The following DCDC1 variants were observed in gnomAD, a reference collection of about 807,000 sequenced individuals.
DCDC1 encodes doublecortin domain containing 1.
DCDC1 carries 200 observed loss-of-function variants against 178.3 expected under a neutral mutation model. That is an observed-to-expected ratio of 1.12 (90% CI 1.00 to 1.26). DCDC1 has a LOEUF of 1.26. Among genes scored for constraint, DCDC1 ranks in the 50% most tolerant of loss-of-function variants. The pLI is 0.00. For synonymous variants in DCDC1, 690 were observed against 604.8 expected, an observed-to-expected ratio of 1.14 and a Z score of -2.07; for missense variants, 1,983 against 1,749.2, an observed-to-expected ratio of 1.13 and a Z score of -2.38.
At chr11:30,873,091 G>A (rs200163973) in intron 38 of DCDC1, among the ~76,000 whole-genome samples, 1 of 148,872 alleles carries the variant, frequency 6.7e-6, no homozygotes, top group South Asian at 2.1e-4. Flanking sequence ...CTCTCTCTCT[G>A]TCTCTCTCTG....
chr11:31,328,680 A>G (rs1158384331), intron 2 of DCDC1, among the ~76,000 whole-genome samples: 1 of 151,796 alleles, frequency 6.6e-6, no homozygotes. Context: ...TGGTGGTGGC[A>G]GGTGCCTGTA....
intron 20 of DCDC1, among the ~76,000 whole-genome samples, chr11:30,969,230 T>C (rs1365305087): frequency 6.6e-6 from 1 of 152,204 alleles, no homozygotes; most frequent in Non-Finnish European, 1.5e-5. Context: ...GATTTTGAAA[T>C]AGGTAGATTT....
intron 32 of DCDC1, 46 bp downstream of exon 32, chr11:30,903,436 A>G: frequency 6.9e-7 from 1 of 1,448,498 alleles, no homozygotes. Context: ...CGTTTTCATG[A>G]TCAAGCATAA....
At chr11:30,888,114 G>GAAAGAAAGAAAGAA (rs1565029985) in intron 36 of DCDC1, among the ~76,000 whole-genome samples, 11 of 125,266 alleles carry the variant, frequency 8.8e-5, no homozygotes, top group South Asian at 7.7e-4. Context: ...AAGAAAGAAA[G>GAAAGAAAGAAAGAA]AAAGAAAGAA....
intron 17 of DCDC1, among the ~76,000 whole-genome samples, chr11:31,081,616 AAAAAG>A (rs557989935): frequency 3.9e-5 from 6 of 152,156 alleles, no homozygotes; most frequent in Admixed American, 6.5e-5. Context: ...ATCTCAAAAA[AAAAAG>A]AAAAGAAAAG....
At chr11:31,171,342 GA>G (rs71060479) in intron 9 of DCDC1, among the ~76,000 whole-genome samples, 105,702 of 150,664 alleles carry the variant, frequency 0.7, 37,979 homozygotes, top group East Asian at 0.96. Flanking sequence ...TAAACAACAT[GA>G]AAAAAAAAAA....
chr11:31,112,373 A>C (rs1179048268), intron 11 of DCDC1, among the ~76,000 whole-genome samples: 1 of 152,172 alleles, frequency 6.6e-6, no homozygotes, highest in African/African-American at 2.4e-5. Context: ...TTCTAAAGAG[A>C]GAGTTTCTAT....
rs1281111465 is a variant in DCDC1 at position 31,133,544 on chromosome 11, T to A, written c.1314+4148A>T. 3.3e-5 allele frequency among the ~76,000 whole-genome samples: 5 copies of A among 152,318 alleles called. No individual in the cohort carries two copies. The East Asian group carries it at 7.7e-4, about 23-fold the overall frequency. ...AGAAGGAAACAGAACCCTAATTTGT[T>A]GAATGAAGATTGGAAAAAACATGGG... On this transcript the variant is annotated intron_variant, in intron 10 of 38. Transcript: ENST00000684477.
chr11:31,203,894 G>C (rs1320733329), intron 9 of DCDC1, among the ~76,000 whole-genome samples: 2 of 152,108 alleles, frequency 1.3e-5, no homozygotes, highest in Admixed American at 1.3e-4. Flanking sequence ...ATGTATGTCA[G>C]AAAACTTGTA....
intron 1 of DCDC1, among the ~76,000 whole-genome samples, chr11:31,362,196 T>C (rs1204765027): frequency 6.6e-6 from 1 of 152,190 alleles, no homozygotes; most frequent in East Asian, 1.9e-4. Context: ...ACAGGTACAC[T>C]GTACTATGGA....
At position 31,204,301 on chromosome 11, in the gene DCDC1, A is replaced by G. The variant is rs1462557996; in HGVS notation, c.1221+37149T>C. Among the ~76,000 whole-genome samples, 15 of 152,336 alleles carry G rather than the reference A, an allele frequency of 9.8e-5. No individual in the cohort carries two copies. In the South Asian group the frequency reaches 2.9e-3, roughly 29 times the overall value. On this transcript the variant is annotated intron_variant, in intron 9 of 38. Transcript: ENST00000684477. Reference sequence around the variant, plus strand: ...CTAAAATAATTAATTTAAGTATTCAATTCAAGAGGGTAGAAAAAGTACAAC... The same window carrying G: ...CTAAAATAATTAATTTAAGTATTCAGTTCAAGAGGGTAGAAAAAGTACAAC...
intron 6 of DCDC1, among the ~76,000 whole-genome samples, chr11:31,298,272 A>G (rs1034286425): frequency 6.6e-6 from 1 of 152,142 alleles, no homozygotes; most frequent in African/African-American, 2.4e-5. Context: ...TGCCAAAGAA[A>G]GGGCCCTTGT....
intron 8 of DCDC1, among the ~76,000 whole-genome samples, chr11:31,245,199 CTT>C (rs1037464841): frequency 6.8e-6 from 1 of 146,786 alleles, no homozygotes; most frequent in African/African-American, 2.5e-5. Flanking sequence ...TTCTCTCTCT[CTT>C]TTTTTTTTTC....
At position 31,106,819 on chromosome 11, in the gene DCDC1, C is replaced by A. The variant is rs773544052; in HGVS notation, c.1729G>T (p.Val577Phe). ...LSLKNEQKIW[V>F]SYGRAYRSPL... ...TACCTGTATGCTCTACCATAAGAGA[C>A]CCAAATTTTTTGCTCATTCTTCAGC... The change falls in exon 13 of 39, where the codon GTC becomes TTC. Residue 577 changes from valine to phenylalanine, a missense_variant. By Grantham distance (50) the Val-to-Phe change is conservative. Transcript: ENST00000684477. The A allele has an allele frequency of 3.9e-6, 3 of 766,184 alleles. No individual in the cohort carries two copies. Among genetic ancestry groups the A allele is most frequent in the Non-Finnish European group, 7.2e-6 (3 of 417,792 alleles). The allele number at this position is 766,184 out of a possible 1,614,324, so 47.5% of individuals were successfully genotyped here. A position where few individuals can be genotyped will look rare whatever the true frequency, so the allele number is the denominator to read the frequency against.
intron 1 of DCDC1, among the ~76,000 whole-genome samples, chr11:31,357,045 C>A (rs1951416727): frequency 6.6e-6 from 1 of 151,362 alleles, no homozygotes; most frequent in Admixed American, 6.6e-5. Flanking sequence ...TGAAACTATT[C>A]CAATCAATAG....
chr11:31,079,502 A>T (rs1056287960), intron 17 of DCDC1, among the ~76,000 whole-genome samples: 1 of 152,154 alleles, frequency 6.6e-6, no homozygotes, highest in South Asian at 2.1e-4. Flanking sequence ...GAATCCCGAC[A>T]TATAGCTGGT....
At chr11:30,956,350 A>G (rs1381435916) in intron 20 of DCDC1, among the ~76,000 whole-genome samples, 1 of 152,150 alleles carries the variant, frequency 6.6e-6, no homozygotes, top group East Asian at 1.9e-4. Flanking sequence ...GTACTTTTTC[A>G]TACACACTGA....
At position 31,091,152 on chromosome 11, in the gene DCDC1, C is replaced by T. The variant is rs566992402; in HGVS notation, c.2237+241G>A. 5.3e-5 allele frequency among the ~76,000 whole-genome samples: 8 copies of T among 152,230 alleles called. No homozygotes were observed. In the East Asian group the frequency reaches 9.7e-4, roughly 18 times the overall value. On this transcript the variant is annotated intron_variant, in intron 17 of 38. Coordinates refer to ENST00000684477, the MANE Select transcript of DCDC1 (RefSeq NM_001387274.1). ...ATAGAGTAAAGCAGCAGTTTGTCTA[C>T]GACATAGATACATGTTGAAGGCCAA...
Position 31,202,166 on chromosome 11 carries a change from CCACAGGT to C in DCDC1, c.1221+39277_1221+39283del, listed in dbSNP as rs1225069845. Among the ~76,000 whole-genome samples, 4 of 152,332 alleles carry C rather than the reference CCACAGGT, an allele frequency of 2.6e-5. No individual in the cohort carries two copies. In the East Asian group the frequency reaches 7.7e-4, roughly 29 times the overall value. ...AGACTATGCACCCAGGTACCCTGCA[CCACAGGT>C]CTCCACTGCAGTCACAAGTCTGGCA... On this transcript the variant is annotated intron_variant, in intron 9 of 38. Coordinates refer to ENST00000684477, the MANE Select transcript of DCDC1 (RefSeq NM_001387274.1).
Sources: allele counts gnomAD v4.1 joint callset (sites outside exome capture counted in the v4.1 genomes callset), GRCh38; gene constraint gnomAD v4.1.1; transcripts MANE v1.5; gene names NCBI Gene and HGNC (gene_info 2026-07-23, HGNC 2026-07-21).